CD44: variants seen among roughly 807,000 people sequenced by gnomAD.
The protein encoded by CD44 is CD44 antigen.
Under a neutral mutation model 88.8 loss-of-function variants are expected in CD44, and 49 were observed. That is an observed-to-expected ratio of 0.55 (90% confidence interval 0.44 to 0.70). CD44 has a LOEUF of 0.70. Ranked by LOEUF, CD44 falls within the 30% of genes least tolerant of loss-of-function variation. CD44 has a pLI of 0.00. For missense variants in CD44, 883 were observed against 913.8 expected, an observed-to-expected ratio of 0.97 and a Z score of 0.43; for synonymous variants, 325 against 312.3, an observed-to-expected ratio of 1.04 and a Z score of -0.43.
At chr11:35,152,180 C>T (rs140873985) in intron 1 of CD44, among the ~76,000 whole-genome samples, 1 of 152,304 alleles carries the variant, frequency 6.6e-6, no homozygotes, top group East Asian at 1.9e-4. Flanking sequence ...AGCCACATTC[C>T]ATGAGCTGGC....
chr11:35,203,496 C>CT (rs1947510171), intron 9 of CD44, among the ~76,000 whole-genome samples: 1 of 152,008 alleles, frequency 6.6e-6, no homozygotes, highest in Non-Finnish European at 1.5e-5. Context: ...AAGATTTTGG[C>CT]TTTTTTCCCC....
intron 5 of CD44, among the ~76,000 whole-genome samples, chr11:35,191,250 G>A (rs968602751): frequency 6.6e-6 from 1 of 152,180 alleles, no homozygotes; most frequent in African/African-American, 2.4e-5. Context: ...CCACAGTACT[G>A]TGATTTCATT....
intron 10 of CD44, 37 bp from the exon 11 acceptor site, chr11:35,206,075 T>G (rs769675874): frequency 6.3e-7 from 1 of 1,577,176 alleles, no homozygotes; most frequent in African/African-American, 1.4e-5. Context: ...AAGCGTCCAT[T>G]AACACTTTGA....
At chr11:35,212,176 A>G (rs1207924460) in intron 14 of CD44, among the ~76,000 whole-genome samples, 3 of 151,948 alleles carry the variant, frequency 2.0e-5, no homozygotes, top group Non-Finnish European at 4.4e-5. Context: ...CTCCATTTGT[A>G]TTAAGAAATT....
At chr11:35,170,459 C>G (rs1268676924) in intron 1 of CD44, among the ~76,000 whole-genome samples, 4 of 152,170 alleles carry the variant, frequency 2.6e-5, no homozygotes, top group African/African-American at 9.7e-5. Flanking sequence ...CTGTGCTGCC[C>G]ACAGCCCTAT....
chr11:35,228,288 T>C (rs1949851490), intron 17 of CD44, among the ~76,000 whole-genome samples: 1 of 152,216 alleles, frequency 6.6e-6, no homozygotes, highest in African/African-American at 2.4e-5. Flanking sequence ...ATTTGTCTTA[T>C]GTTATTAAAC....
At chr11:35,176,861 A>G in intron 2 of CD44, 121 bp downstream of exon 2, 1 of 948,484 alleles carries the variant, frequency 1.1e-6, no homozygotes. Flanking sequence ...AGTCAACCCC[A>G]CGTATTAATT....
intron 3 of CD44, among the ~76,000 whole-genome samples, chr11:35,181,884 T>G (rs1240746151): frequency 3.4e-4 from 21 of 61,218 alleles, no homozygotes; most frequent in Non-Finnish European, 5.5e-4. Context: ...TTATATATAA[T>G]TCTATATATA....
chr11:35,225,487 C>G (rs1223231740), intron 17 of CD44, among the ~76,000 whole-genome samples: 2 of 152,218 alleles, frequency 1.3e-5, no homozygotes, highest in African/African-American at 2.4e-5. Context: ...AGGTAAGACA[C>G]AGATCCATGA....
intron 12 of CD44, 86 bp from the exon 13 acceptor site, chr11:35,209,879 C>T: frequency 1.2e-6 from 1 of 829,088 alleles, no homozygotes; most frequent in Non-Finnish European, 1.9e-6. Flanking sequence ...TCTGACTCTA[C>T]TCTAGCTAGA....
chr11:35,199,922 T>C (rs1184295847), intron 7 of CD44, among the ~76,000 whole-genome samples: 2 of 138,844 alleles, frequency 1.4e-5, no homozygotes, highest in East Asian at 4.5e-4. Context: ...GGGAAAAATT[T>C]CCCATGGTGT....
chr11:35,198,445 T>C, intron 7 of CD44, 199 bp downstream of exon 7: 1 of 534,332 alleles, frequency 1.9e-6, no homozygotes, highest in Non-Finnish European at 3.3e-6. Context: ...CTCACAAAAT[T>C]TCTCTTGTCT....
At chr11:35,196,671 C>A in intron 5 of CD44, 75 bp from the exon 6 acceptor site, 1 of 1,409,792 alleles carries the variant, frequency 7.1e-7, no homozygotes. Context: ...TAAAAGAGTA[C>A]AAGCATATTC....
intron 10 of CD44, 44 bp from the exon 11 acceptor site, chr11:35,206,068 C>G: frequency 6.4e-7 from 1 of 1,559,106 alleles, no homozygotes; most frequent in South Asian, 1.2e-5. Context: ...CCTGACCAAG[C>G]GTCCATTAAC....
intron 11 of CD44, among the ~76,000 whole-genome samples, chr11:35,206,678 C>T (rs1249966159): frequency 7.6e-6 from 1 of 132,282 alleles, no homozygotes; most frequent in East Asian, 2.3e-4. Flanking sequence ...GTGGGGGGGG[C>T]AGTTTTCCTA....
At chr11:35,206,459 G>A (rs1272666253) in intron 11 of CD44, among the ~76,000 whole-genome samples, 2 of 152,026 alleles carry the variant, frequency 1.3e-5, no homozygotes, top group Non-Finnish European at 2.9e-5. Flanking sequence ...CAGGAGGGTT[G>A]GCAAAAGAAA....
chr11:35,219,051 C>A (rs1339860978), intron 15 of CD44: 5 of 429,394 alleles, frequency 1.2e-5, no homozygotes, highest in Non-Finnish European at 2.1e-5. Flanking sequence ...CAGCTCTAGA[C>A]ACCAAAGTCC....
At chr11:35,221,835 G>A in intron 17 of CD44, 103 bp downstream of exon 17, 1 of 1,032,378 alleles carries the variant, frequency 9.7e-7, no homozygotes, top group Non-Finnish European at 1.5e-6. Context: ...CCAGCAGCCT[G>A]GGTACCCTGG....
chr11:35,194,611 G>A (rs887387519), intron 5 of CD44, among the ~76,000 whole-genome samples: 26 of 152,156 alleles, frequency 1.7e-4, no homozygotes, highest in African/African-American at 5.1e-4. Context: ...GGGAGAGGAC[G>A]TCCATTATCA....
Sources: gnomAD v4.1 joint callset for allele counts (sites outside exome capture counted in the v4.1 genomes callset) on GRCh38, gnomAD v4.1.1 for gene constraint, MANE v1.5 for transcripts, NCBI Gene and HGNC (gene_info 2026-07-23, HGNC 2026-07-21) for gene names.